The following OSBPL3 variants were observed in gnomAD, a reference collection of about 807,000 sequenced individuals.
The protein encoded by OSBPL3 is oxysterol-binding protein-related protein 3.
A neutral mutation model predicts 120.1 loss-of-function variants in OSBPL3; 65 were observed. The ratio of observed to expected loss-of-function variants is 0.54; its 90% CI spans 0.44 to 0.67. The LOEUF is 0.67. OSBPL3 is among the 30% of genes least tolerant of loss of function. The probability of loss-of-function intolerance (pLI) is 0.00; values close to 1 mark genes in which losing one functional copy is unlikely to be tolerated. For missense variants in OSBPL3, 1,004 were observed against 1,082.1 expected (o/e 0.93, Z 1.01); for synonymous variants, 416 against 402.6 (o/e 1.03, Z -0.40).
Position 24,932,288 on chromosome 7 carries a change from T to C in OSBPL3, c.-149-39667A>G, listed in dbSNP as rs910280287. ...GACTGAAGATCACCTTTTTATCCAG[T>C]GTACTTGCAGCATTCCCCGGTCAAG... On this transcript the variant is annotated intron_variant, in intron 1 of 22. Transcript: ENST00000313367. This position sits in a 1 kb window ranked among gnomAD's most constrained non-coding sequence, Gnocchi z 5.6. Among the ~76,000 whole-genome samples, 1 of 152,194 alleles carries C rather than the reference T, an allele frequency of 6.6e-6. No homozygotes were observed. Among genetic ancestry groups the C allele is most frequent in the Non-Finnish European group, 1.5e-5 (1 of 68,042 alleles).
chr7:24,939,210 C>G lies in OSBPL3; in HGVS notation c.-150+40676G>C, dbSNP rs978963443. ...TTCAGAGAAGGAAGAACAACACTGTCCATAATCCAAAGGACCAAGGTCTCT... is the reference window on the plus strand; with the variant it reads ...TTCAGAGAAGGAAGAACAACACTGTGCATAATCCAAAGGACCAAGGTCTCT... On this transcript the variant is annotated intron_variant, in intron 1 of 22. Transcript: ENST00000313367. The surrounding 1 kb of genome is among the most constrained non-coding windows in gnomAD (Gnocchi z 4.2). Among the ~76,000 whole-genome samples, 2 of 152,182 alleles carry G rather than the reference C, an allele frequency of 1.3e-5. No homozygotes were observed. The highest frequency in any genetic ancestry group is 4.8e-5 in the African/African-American group (2 of 41,448).
At chr7:24,893,971 C>T (rs1190954980) in intron 1 of OSBPL3, among the ~76,000 whole-genome samples, 1 of 152,012 alleles carries the variant, frequency 6.6e-6, no homozygotes, top group African/African-American at 2.4e-5. Flanking sequence ...AGGTTAACAA[C>T]ATCAAAATAT....
At chr7:24,963,492 T>C (rs1816020070) in intron 1 of OSBPL3, among the ~76,000 whole-genome samples, 1 of 152,140 alleles carries the variant, frequency 6.6e-6, no homozygotes. Flanking sequence ...CAACCCACTT[T>C]CCCTTTTTTG....
At chr7:24,865,637 A>G (rs1230822653) in intron 6 of OSBPL3, among the ~76,000 whole-genome samples, 172 bp from the exon 7 acceptor site, 1 of 152,218 alleles carries the variant, frequency 6.6e-6, no homozygotes, top group Non-Finnish European at 1.5e-5. Context: ...CGGCTTGGCC[A>G]TACCGTGCTA....
chr7:24,925,005 TTA>T (rs1372964131), intron 1 of OSBPL3, among the ~76,000 whole-genome samples: 2 of 152,240 alleles, frequency 1.3e-5, no homozygotes, highest in East Asian at 3.8e-4. Context: ...TTCATCATTT[TTA>T]TATGTCGTTC....
chr7:24,839,860 C>T (rs1429290901), intron 14 of OSBPL3, among the ~76,000 whole-genome samples: 3 of 151,336 alleles, frequency 2.0e-5, no homozygotes, highest in Non-Finnish European at 2.9e-5. Context: ...CATGGTGGTG[C>T]GTGCCTGTAT....
chr7:24,928,424 C>T (rs574289342), intron 1 of OSBPL3, among the ~76,000 whole-genome samples: 2 of 152,222 alleles, frequency 1.3e-5, no homozygotes, highest in East Asian at 3.9e-4. Flanking sequence ...ATCTCCTGAC[C>T]TCGTGATCTG....
chr7:24,905,544 G>C (rs1807773455), intron 1 of OSBPL3, among the ~76,000 whole-genome samples: 1 of 152,186 alleles, frequency 6.6e-6, no homozygotes. Flanking sequence ...CTGCAAACTA[G>C]TGAAGAGCTT....
chr7:24,867,706 C>T lies in OSBPL3; in HGVS notation c.382-1469G>A, dbSNP rs917703565. On this transcript the variant is annotated intron_variant, in intron 5 of 22. Transcript: ENST00000313367. This position sits in a 1 kb window ranked among gnomAD's most constrained non-coding sequence, Gnocchi z 4.5. The stretch of plus-strand genomic sequence containing the variant: ...CTTTCTTTTGTAAATTGCCCAGTCT[C>T]GGGTATGTCTTTATCAGCAGTGTGA... Among the ~76,000 whole-genome samples the T allele has an allele frequency of 2.0e-5, 3 of 152,036 alleles. No homozygotes were observed. The highest frequency in any genetic ancestry group is 2.9e-5 in the Non-Finnish European group (2 of 68,026).
At chr7:24,861,295 A>C (rs1413004449) in intron 10 of OSBPL3, among the ~76,000 whole-genome samples, 1 of 152,220 alleles carries the variant, frequency 6.6e-6, no homozygotes. Flanking sequence ...CTAGATAGGC[A>C]GATTTTAAAA....
At position 24,896,857 on chromosome 7, in the gene OSBPL3, A is replaced by C. The variant is rs542352046; in HGVS notation, c.-149-4236T>G. Among the ~76,000 whole-genome samples the C allele has an allele frequency of 2.0e-5, 3 of 152,280 alleles. No homozygotes were observed. In the East Asian group the frequency reaches 5.8e-4, roughly 29 times the overall value. On this transcript the variant is annotated intron_variant, in intron 1 of 22. Transcript: ENST00000313367. This position sits in a 1 kb window ranked among gnomAD's most constrained non-coding sequence, Gnocchi z 4.4. The stretch of plus-strand genomic sequence containing the variant: ...GAGGTGGACGCGACTGGATTACTTG[A>C]GGTCAGGAGTTCAAGACCAGCCTGG...
Position 24,868,338 on chromosome 7 carries a change from AGTGTGTGTGTGTGT to A in OSBPL3, c.382-2115_382-2102del, listed in dbSNP as rs55688298. 7.4e-3 allele frequency among the ~76,000 whole-genome samples: 1,023 copies of A among 137,946 alleles called. 7 individuals are homozygous for A. The highest frequency in any genetic ancestry group is 0.024 in the African/African-American group (874 of 36,752). 90.5% of individuals were successfully genotyped at this position (137,946 alleles called of 152,430 possible). The stretch of plus-strand genomic sequence containing the variant: ...TCTCAAAAAAAAGAAAAAAAAAAAA[AGTGTGTGTGTGTGT>A]GTGTGTGTGTGTGTGTGTCTGTGTG... On this transcript the variant is annotated intron_variant, in intron 5 of 22. Transcript: ENST00000313367.
At chr7:24,841,694 CAAAAA>C (rs67988881) in intron 13 of OSBPL3, among the ~76,000 whole-genome samples, 15 of 12,138 alleles carry the variant, frequency 1.2e-3, no homozygotes, top group South Asian at 0.01. Flanking sequence ...GACTATGTCT[CAAAAA>C]AAAAAAAAAA....
At chr7:24,910,764 G>C (rs1562917329) in intron 1 of OSBPL3, among the ~76,000 whole-genome samples, 1 of 152,214 alleles carries the variant, frequency 6.6e-6, no homozygotes, top group Non-Finnish European at 1.5e-5. Flanking sequence ...AAAAGCTTAG[G>C]AAGAGGTGGC....
chr7:24,867,189 T>C lies in OSBPL3; in HGVS notation c.382-952A>G, dbSNP rs1470074686. Among the ~76,000 whole-genome samples the C allele has an allele frequency of 1.3e-5, 2 of 152,240 alleles. No individual in the cohort carries two copies. Among genetic ancestry groups the C allele is most frequent in the Non-Finnish European group, 2.9e-5 (2 of 68,040 alleles). On this transcript the variant is annotated intron_variant, in intron 5 of 22. Transcript: ENST00000313367. This position sits in a 1 kb window ranked among gnomAD's most constrained non-coding sequence, Gnocchi z 4.5. Reference sequence around the variant, plus strand: ...TTACATTTATCTGTCTCTTAAAGCATTTCCAAGTTCTCTAATTCCAGCTTC... The same window carrying C: ...TTACATTTATCTGTCTCTTAAAGCACTTCCAAGTTCTCTAATTCCAGCTTC...
rs911466794 is a variant in OSBPL3, at chr7:24,898,377, G to A, written c.-149-5756C>T. ...GAGGAGTACTAAGTTTCTGGGAGAT[G>A]AGTACTAAGGCTCAGTGTCCACAGA... On this transcript the variant is annotated intron_variant, in intron 1 of 22. Coordinates refer to ENST00000313367, the MANE Select transcript of OSBPL3 (RefSeq NM_015550.4). This position sits in a 1 kb window ranked among gnomAD's most constrained non-coding sequence, Gnocchi z 4.3. Among the ~76,000 whole-genome samples the A allele has an allele frequency of 3.9e-5, 6 of 152,206 alleles. No individual in the cohort carries two copies. Among genetic ancestry groups the A allele is most frequent in the African/African-American group, 1.4e-4 (6 of 41,450 alleles).
intron 1 of OSBPL3, among the ~76,000 whole-genome samples, chr7:24,902,376 G>A (rs1807161275): frequency 6.6e-6 from 1 of 151,916 alleles, no homozygotes; most frequent in Non-Finnish European, 1.5e-5. Flanking sequence ...TCTGCAACTG[G>A]CTTATTTTCA....
intron 10 of OSBPL3, among the ~76,000 whole-genome samples, chr7:24,857,965 T>C (rs1253124787): frequency 6.6e-6 from 1 of 152,232 alleles, no homozygotes; most frequent in African/African-American, 2.4e-5. Context: ...AAACATATTT[T>C]GGGAAATGTA....
chr7:24,900,957 G>A lies in OSBPL3; in HGVS notation c.-149-8336C>T, dbSNP rs569074483. On this transcript the variant is annotated intron_variant, in intron 1 of 22. Coordinates refer to ENST00000313367, the MANE Select transcript of OSBPL3 (RefSeq NM_015550.4). This position sits in a 1 kb window ranked among gnomAD's most constrained non-coding sequence, Gnocchi z 4.5. ...GATGACTTGAGTCTGGGAGGCGGAGGTTGCAGTGAGCTGAGGTTTTGCCAC... is the reference window on the plus strand; with the variant it reads ...GATGACTTGAGTCTGGGAGGCGGAGATTGCAGTGAGCTGAGGTTTTGCCAC... Among the ~76,000 whole-genome samples, 1 of 151,148 alleles carries A rather than the reference G, an allele frequency of 6.6e-6. No individual in the cohort carries two copies. Among genetic ancestry groups the A allele is most frequent in the South Asian group, 2.1e-4 (1 of 4,780 alleles).
Sources: allele counts gnomAD v4.1 joint callset (sites outside exome capture counted in the v4.1 genomes callset), GRCh38; gene constraint gnomAD v4.1.1; non-coding constraint Gnocchi (gnomAD v3.1); transcripts MANE v1.5; gene names NCBI Gene and HGNC (gene_info 2026-07-23, HGNC 2026-07-21).